Variants in SNRNP200 observed in about 807,000 individuals in gnomAD.
SNRNP200 encodes small nuclear ribonucleoprotein U5 subunit 200, also known as U5 small nuclear ribonucleoprotein 200 kDa helicase.
Under a neutral mutation model 255.2 loss-of-function variants are expected in SNRNP200, and 66 were observed. That is an observed-to-expected ratio of 0.26 (90% CI 0.21 to 0.32). The LOEUF is 0.32. Among genes scored for constraint, SNRNP200 ranks in the 10% least tolerant of loss-of-function variants. The pLI is 1.00. For synonymous variants in SNRNP200, 939 were observed against 1,027.8 expected (o/e 0.91, Z 1.65); for missense variants, 1,585 against 2,749.8 (o/e 0.58, Z 9.47).
chr2:96,286,668 T>C lies in SNRNP200; in HGVS notation c.3829+20A>G. 3 of 1,612,382 alleles carry C rather than the reference T, an allele frequency of 1.9e-6. No individual in the cohort carries two copies. Among genetic ancestry groups the C allele is most frequent in the Middle Eastern group, 2.0e-4 (1 of 4,958 alleles). ...CCTTGGAGGGACTGTTCCTGGGGAC[T>C]CTGGAGAGGAGACACTCACAGAGCC... On this transcript the variant is annotated intron_variant, in intron 28 of 44. Transcript: ENST00000323853. The surrounding 1 kb of genome is among the most constrained non-coding windows in gnomAD (Gnocchi z 4.8).
chr2:96,278,701 A>G lies in SNRNP200; in HGVS notation c.5334T>C (p.His1778=). ...CTGACAAGTGGTCCGACAAGTGACG[A>G]TGGGAGATGCCTATGGAGGCGAGAG... ...PNYYNLQGIS[H]RHLSDHLSEL... is the part of the protein sequence containing the mutation. The change falls in exon 38 of 45, where the codon CAT becomes CAC. Residue 1778 remains histidine, a synonymous_variant. Coordinates refer to ENST00000323853, the MANE Select transcript of SNRNP200 (RefSeq NM_014014.5). This position sits in a 1 kb window ranked among gnomAD's most constrained non-coding sequence, Gnocchi z 6.9. 1 of 1,614,214 alleles carries G rather than the reference A, an allele frequency of 6.2e-7. No individual in the cohort carries two copies. The highest frequency in any genetic ancestry group is 1.1e-5 in the South Asian group (1 of 91,082).
At position 96,296,613 on chromosome 2, in the gene SNRNP200, T is replaced by G; in HGVS notation, c.1594A>C (p.Asn532His). The G allele has an allele frequency of 6.2e-7, 1 of 1,614,132 alleles. No individual in the cohort carries two copies. Among genetic ancestry groups the G allele is most frequent in the Non-Finnish European group, 8.5e-7 (1 of 1,180,004 alleles). Residue 532 changes from asparagine (N) to histidine (H), a missense_variant, in exon 13 of 45, where the codon AAT (asparagine) becomes CAT (histidine). Coordinates refer to ENST00000323853, the MANE Select transcript of SNRNP200 (RefSeq NM_014014.5). ...GKHINMDGTI[N>H]VDDFKIIYIA... ...TAGATAATCTTGAAGTCATCCACATTGATGGTGCCGTCCATGTTTATGTGT... is the reference window on the plus strand; with the variant it reads ...TAGATAATCTTGAAGTCATCCACATGGATGGTGCCGTCCATGTTTATGTGT...
chr2:96,275,054 G>T lies in SNRNP200; in HGVS notation c.6369C>A (p.Ser2123Arg). 6.2e-7 allele frequency: 1 copy of T among 1,614,164 alleles called. No individual in the cohort carries two copies. Among genetic ancestry groups the T allele is most frequent in the Non-Finnish European group, 8.5e-7 (1 of 1,180,030 alleles). The change falls in exon 45 of 45, where the codon AGC becomes AGA. Residue 2123 changes from serine (S) to arginine (R), a missense_variant. Transcript: ENST00000323853. The stretch of plus-strand genomic sequence containing the variant: ...CTGTCTCAGCTTCTTTCACATCCAC[G>T]CTGAATTTGTACTCCTGGTCACATC... ...YMGCDQEYKFSVDVKEAETDS... is the reference protein window; with the variant it reads ...YMGCDQEYKFRVDVKEAETDS...
intron 23 of SNRNP200, 76 bp downstream of exon 23, chr2:96,288,961 C>G: frequency 7.2e-7 from 1 of 1,380,590 alleles, no homozygotes; most frequent in Non-Finnish European, 1.0e-6. Flanking sequence ...AACCCAAATT[C>G]AAGGTTCATC....
Position 96,287,401 on chromosome 2 carries a change from C to T in SNRNP200, c.3484+38G>A. ...TACATAGGCAAACTGGGAGAGACAC[C>T]CAGGCAGTGAGGACAAGGGCGAGAG... On this transcript the variant is annotated intron_variant, in intron 26 of 44. Transcript: ENST00000323853. The surrounding 1 kb of genome is among the most constrained non-coding windows in gnomAD (Gnocchi z 5.7). 6.9e-7 allele frequency: 1 copy of T among 1,456,192 alleles called. No homozygotes were observed. The highest frequency in any genetic ancestry group is 2.3e-5 in the East Asian group (1 of 44,156). 90.2% of individuals were successfully genotyped at this position (1,456,192 alleles called of 1,614,324 possible). A position where few individuals can be genotyped will look rare whatever the true frequency, so the allele number is the denominator to read the frequency against.
intron 2 of SNRNP200, among the ~76,000 whole-genome samples, chr2:96,304,076 A>G (rs575946466): frequency 6.6e-6 from 1 of 152,266 alleles, no homozygotes; most frequent in Admixed American, 6.5e-5. Flanking sequence ...GATATAGCAC[A>G]AAGTGGAGAT....
chr2:96,297,570 T>C, intron 10 of SNRNP200, 34 bp from the exon 11 acceptor site: 1 of 1,614,118 alleles, frequency 6.2e-7, no homozygotes, highest in Admixed American at 1.7e-5. Context: ...ACAAAGGAAG[T>C]AAGCAAGCCG....
In SNRNP200 at chr2:96,283,645, G is replaced by A; in HGVS notation, c.4653C>T (p.Thr1551=). The A allele has an allele frequency of 6.2e-7, 1 of 1,614,136 alleles. No individual in the cohort carries two copies. The highest frequency in any genetic ancestry group is 1.7e-5 in the Admixed American group (1 of 60,020). The change falls in exon 33 of 45, where the codon ACC becomes ACT. Residue 1551 remains threonine (T), a synonymous_variant. Transcript: ENST00000323853. The surrounding 1 kb of genome is among the most constrained non-coding windows in gnomAD (Gnocchi z 4.7). ...TGACAGGCTTCTTGGGCGAGTGCTT[G>A]GTGATAGCATGGTACACAGGCTTGG... ...SMAKPVYHAI[T]KHSPKKPVIV...
chr2:96,300,066 G>A (rs1428171653), intron 5 of SNRNP200, among the ~76,000 whole-genome samples: 1 of 152,162 alleles, frequency 6.6e-6, no homozygotes, highest in African/African-American at 2.4e-5. Context: ...AAACTCAGAA[G>A]TCTTGGCTCC....
In SNRNP200 at chr2:96,283,196, C is replaced by T. The variant is rs2104339207; in HGVS notation, c.4915+5G>A. 1 of 1,614,110 alleles carries T rather than the reference C, an allele frequency of 6.2e-7. No individual in the cohort carries two copies. The highest frequency in any genetic ancestry group is 8.5e-7 in the Non-Finnish European group (1 of 1,180,046). On this transcript the variant is annotated splice_donor_5th_base_variant and intron_variant, in intron 34 of 44. Coordinates refer to ENST00000323853, the MANE Select transcript of SNRNP200 (RefSeq NM_014014.5). The surrounding 1 kb of genome is among the most constrained non-coding windows in gnomAD (Gnocchi z 4.7). Reference sequence around the variant, plus strand: ...GCTATGCTCCCCTTCCGTGGCCTGACTTACCTGAGCTGAAGAGCTGCTCCA... The same window carrying T: ...GCTATGCTCCCCTTCCGTGGCCTGATTTACCTGAGCTGAAGAGCTGCTCCA...
At position 96,278,791 on chromosome 2, in the gene SNRNP200, G is replaced by T. The variant is rs768049887; in HGVS notation, c.5323+18C>A. The T allele has an allele frequency of 6.2e-7, 1 of 1,614,180 alleles. No individual in the cohort carries two copies. The stretch of plus-strand genomic sequence containing the variant: ...TGAGAACCACCAAAGGATCACGTGT[G>T]CTCCCAAGCCCACTGACCCTGCAGG... On this transcript the variant is annotated intron_variant, in intron 37 of 44. Coordinates refer to ENST00000323853, the MANE Select transcript of SNRNP200 (RefSeq NM_014014.5). This position sits in a 1 kb window ranked among gnomAD's most constrained non-coding sequence, Gnocchi z 6.9.
intron 35 of SNRNP200, among the ~76,000 whole-genome samples, chr2:96,280,557 TC>T (rs1159466190): frequency 7.5e-6 from 1 of 132,568 alleles, no homozygotes; most frequent in Non-Finnish European, 1.7e-5. Flanking sequence ...TCTTCTAACT[TC>T]TTTTTTTTTG....
intron 13 of SNRNP200, 101 bp downstream of exon 13, chr2:96,296,435 C>G: frequency 8.5e-7 from 1 of 1,179,934 alleles, no homozygotes; most frequent in South Asian, 1.3e-5. Context: ...AGGAGGCATG[C>G]CAGAGATGCC....
Position 96,277,496 on chromosome 2 carries a change from T to C in SNRNP200, c.5931+43A>G. 1 of 1,607,252 alleles carries C rather than the reference T, an allele frequency of 6.2e-7. No individual in the cohort carries two copies. Among genetic ancestry groups the C allele is most frequent in the Non-Finnish European group, 8.5e-7 (1 of 1,175,662 alleles). On this transcript the variant is annotated intron_variant, in intron 41 of 44. Coordinates refer to ENST00000323853, the MANE Select transcript of SNRNP200 (RefSeq NM_014014.5). The surrounding 1 kb of genome is among the most constrained non-coding windows in gnomAD (Gnocchi z 4.4). ...CCACGCTCGGTCCACAACACTGGGC[T>C]CTCAGGCTCACCCACCTGACCCTCT...
chr2:96,297,815 A>C, intron 9 of SNRNP200, 95 bp from the exon 10 acceptor site: 1 of 1,296,952 alleles, frequency 7.7e-7, no homozygotes, highest in Non-Finnish European at 1.1e-6. Context: ...CTTGAGTCAC[A>C]GGTGCTGACT....
intron 16 of SNRNP200, 55 bp downstream of exon 16, chr2:96,292,917 G>A (rs932037202): frequency 4.8e-5 from 77 of 1,597,526 alleles, no homozygotes; most frequent in Non-Finnish European, 6.3e-5. Flanking sequence ...AATTATTGGT[G>A]AATCAAACAT....
chr2:96,304,939 G>T, intron 1 of SNRNP200, 71 bp from the exon 2 acceptor site: 1 of 1,547,732 alleles, frequency 6.5e-7, no homozygotes, highest in African/African-American at 1.4e-5. Flanking sequence ...AGTTACCCCA[G>T]CTGATGGAAA....
At position 96,284,022 on chromosome 2, in the gene SNRNP200, G is replaced by A. The variant is rs1166398394; in HGVS notation, c.4393-18C>T. Reference sequence around the variant, plus strand: ...AAGACAGGCTGGAAAGAGGGAGGGAGGGAGGGTCACTGCAGGCCAAGGCTC... The same window carrying A: ...AAGACAGGCTGGAAAGAGGGAGGGAAGGAGGGTCACTGCAGGCCAAGGCTC... On this transcript the variant is annotated intron_variant, in intron 31 of 44. Coordinates refer to ENST00000323853, the MANE Select transcript of SNRNP200 (RefSeq NM_014014.5). 9.1e-6 allele frequency: 14 copies of A among 1,546,182 alleles called. No individual in the cohort carries two copies. Among genetic ancestry groups the A allele is most frequent in the Non-Finnish European group, 1.2e-5 (14 of 1,135,700 alleles).
At chr2:96,301,480 A>G (rs754689189) in intron 4 of SNRNP200, 44 bp downstream of exon 4, 21 of 1,593,650 alleles carry the variant, frequency 1.3e-5, no homozygotes, top group Non-Finnish European at 1.7e-5. Flanking sequence ...TTAGGGGTCA[A>G]CAACAACCAA....
Sources: allele counts gnomAD v4.1 joint callset (sites outside exome capture counted in the v4.1 genomes callset), GRCh38; gene constraint gnomAD v4.1.1; non-coding constraint Gnocchi (gnomAD v3.1); transcripts MANE v1.5; gene names NCBI Gene and HGNC (gene_info 2026-07-23, HGNC 2026-07-21).